CDCA7L: variants seen among roughly 807,000 people sequenced by gnomAD.
The protein encoded by CDCA7L is cell division cycle-associated 7-like protein.
CDCA7L carries 44 observed loss-of-function variants against 57.4 expected under a neutral mutation model. That is an observed-to-expected ratio of 0.77 (90% CI 0.60 to 0.98). The LOEUF (loss-of-function observed/expected upper bound fraction) is 0.98. Ranked by LOEUF, CDCA7L falls within the 50% of genes least tolerant of loss-of-function variation. The pLI is 0.00. For synonymous variants in CDCA7L, 236 were observed against 202.8 expected (o/e 1.16, Z -1.39); for missense variants, 644 against 580.6 (o/e 1.11, Z -1.12).
In CDCA7L at chr7:21,908,278, G is replaced by T; in HGVS notation, c.533C>A (p.Thr178Lys). The T allele has an allele frequency of 6.2e-7, 1 of 1,613,034 alleles. No individual in the cohort carries two copies. The highest frequency in any genetic ancestry group is 8.5e-7 in the Non-Finnish European group (1 of 1,179,778). ...ACAGTCTTTCTTTCTTTCAAGAATT[G>T]TTTTTTTCTCATTCTGTAAGCGTGC... is the stretch of plus-strand genomic sequence containing the variant. ...SSARLQNEKK[T>K]ILERKKDCRQ... Residue 178 changes from threonine to lysine, a missense_variant, in exon 4 of 10, where the codon ACA (threonine) becomes AAA (lysine). By Grantham distance (78) the Thr-to-Lys change is moderately conservative (BLOSUM62 -1). Coordinates refer to ENST00000406877, the MANE Select transcript of CDCA7L (RefSeq NM_018719.5).
chr7:21,941,441 G>A (rs180883290), intron 1 of CDCA7L, among the ~76,000 whole-genome samples: 2 of 152,322 alleles, frequency 1.3e-5, no homozygotes, highest in Admixed American at 6.5e-5. Flanking sequence ...ACGGAGAGTA[G>A]GGGAAGCAGA....
intron 1 of CDCA7L, among the ~76,000 whole-genome samples, chr7:21,930,697 CAAAAAAA>C (rs56701381): frequency 7.7e-5 from 4 of 51,792 alleles, no homozygotes; most frequent in African/African-American, 8.3e-5. Context: ...GACTCCGTCT[CAAAAAAA>C]AAAAAAAAAA....
intron 1 of CDCA7L, among the ~76,000 whole-genome samples, chr7:21,936,200 A>G (rs1786156990): frequency 6.6e-6 from 1 of 152,172 alleles, no homozygotes; most frequent in South Asian, 2.1e-4. Flanking sequence ...AACCCTCCCA[A>G]CAAAGTAAAC....
chr7:21,915,698 G>A (rs546479371), intron 2 of CDCA7L, among the ~76,000 whole-genome samples: 107 of 151,644 alleles, frequency 7.1e-4, no homozygotes, highest in African/African-American at 2.5e-3. Flanking sequence ...GTGGTGGTGG[G>A]AGCCTGTAAT....
chr7:21,927,247 T>C (rs1372028498), intron 1 of CDCA7L, among the ~76,000 whole-genome samples: 1 of 152,002 alleles, frequency 6.6e-6, no homozygotes, highest in African/African-American at 2.4e-5. Context: ...TATCCTATGC[T>C]GAAAGAACAA....
At chr7:21,935,943 G>C (rs924729410) in intron 1 of CDCA7L, among the ~76,000 whole-genome samples, 3 of 152,130 alleles carry the variant, frequency 2.0e-5, no homozygotes, top group African/African-American at 7.2e-5. Context: ...AGGAGGCGGA[G>C]GTTGCAGTGA....
intron 1 of CDCA7L, among the ~76,000 whole-genome samples, chr7:21,928,592 GTT>G (rs1403257208): frequency 2.3e-4 from 35 of 151,928 alleles, no homozygotes; most frequent in African/African-American, 8.4e-4. Flanking sequence ...GAATAACCAG[GTT>G]AGAAAAGAAC....
In CDCA7L at chr7:21,945,502, G is replaced by C. The variant is rs1459447646; in HGVS notation, c.24+279C>G. Among the ~76,000 whole-genome samples, 6 of 151,432 alleles carry C rather than the reference G, an allele frequency of 4.0e-5. 1 individual carries two copies. On this transcript the variant is annotated intron_variant, in intron 1 of 9. Transcript: ENST00000406877. ...AGGCGCTGCGCCCCGCTAGCTCCCC[G>C]CCTGCACCCCCGGCGGCCACCCGAG...
chr7:21,909,635 T>A (rs1402187619), intron 3 of CDCA7L, among the ~76,000 whole-genome samples: 2 of 152,280 alleles, frequency 1.3e-5, no homozygotes, highest in East Asian at 3.9e-4. Flanking sequence ...GAACTTCCCA[T>A]ATTAATAGCT....
chr7:21,904,289 C>T (rs568811253), intron 7 of CDCA7L, 30 bp from the exon 8 acceptor site: 2 of 1,568,150 alleles, frequency 1.3e-6, no homozygotes, highest in South Asian at 2.4e-5. Context: ...AGCAGGTGAA[C>T]ACAGGGATAT....
At chr7:21,915,635 T>TAAAA (rs35601553) in intron 2 of CDCA7L, among the ~76,000 whole-genome samples, 2 of 88,320 alleles carry the variant, frequency 2.3e-5, no homozygotes, top group African/African-American at 4.4e-5. Context: ...CCATCACTAC[T>TAAAA]AAAAAAAAAA....
intron 6 of CDCA7L, 100 bp from the exon 7 acceptor site, chr7:21,905,731 A>AC (rs1000107695): frequency 1.6e-6 from 2 of 1,269,638 alleles, no homozygotes; most frequent in Admixed American, 2.7e-5. Context: ...ATTAATGTTA[A>AC]CCCCGTCCCT....
At chr7:21,934,117 T>G (rs912871768) in intron 1 of CDCA7L, among the ~76,000 whole-genome samples, 1 of 152,164 alleles carries the variant, frequency 6.6e-6, no homozygotes, top group African/African-American at 2.4e-5. Flanking sequence ...AATATAAGGT[T>G]CTCAGGTAAA....
chr7:21,926,198 TA>T (rs143719215), intron 1 of CDCA7L, among the ~76,000 whole-genome samples: 185 of 151,952 alleles, frequency 1.2e-3, no homozygotes, highest in African/African-American at 4.3e-3. Context: ...TCTGTTTTTC[TA>T]TAACTATATA....
chr7:21,932,995 A>C (rs1481473287), intron 1 of CDCA7L, among the ~76,000 whole-genome samples: 1 of 151,878 alleles, frequency 6.6e-6, no homozygotes, highest in Non-Finnish European at 1.5e-5. Flanking sequence ...AGTGGGCGAA[A>C]GATATGATAC....
intron 1 of CDCA7L, among the ~76,000 whole-genome samples, chr7:21,922,926 A>C (rs1259826155): frequency 6.6e-6 from 1 of 152,216 alleles, no homozygotes; most frequent in Non-Finnish European, 1.5e-5. Flanking sequence ...GATAAAACCA[A>C]GAACGGTATG....
intron 1 of CDCA7L, among the ~76,000 whole-genome samples, chr7:21,935,205 A>G (rs1447681212): frequency 6.6e-6 from 1 of 152,256 alleles, no homozygotes; most frequent in African/African-American, 2.4e-5. Context: ...TTGTTACAGT[A>G]GAGTGAAACT....
At chr7:21,923,333 G>T (rs975185414) in intron 1 of CDCA7L, among the ~76,000 whole-genome samples, 1 of 151,878 alleles carries the variant, frequency 6.6e-6, no homozygotes, top group Non-Finnish European at 1.5e-5. Flanking sequence ...TACCAAAAAA[G>T]ATACAAAAAT....
chr7:21,945,727 A>G, intron 1 of CDCA7L, 54 bp downstream of exon 1: 2 of 1,599,854 alleles, frequency 1.3e-6, no homozygotes, highest in Non-Finnish European at 1.7e-6. Context: ...CGGGTGGCAA[A>G]GGGAAGTCAA....
Sources: allele counts gnomAD v4.1 joint callset (sites outside exome capture counted in the v4.1 genomes callset), GRCh38; gene constraint gnomAD v4.1.1; transcripts MANE v1.5; gene names NCBI Gene and HGNC (gene_info 2026-07-23, HGNC 2026-07-21).